CATSPER3: variants seen among roughly 807,000 people sequenced by gnomAD.
CATSPER3 encodes the protein cation channel sperm associated 3, also known as cation channel sperm-associated protein 3.
In CATSPER3, 23 loss-of-function variants were observed where a neutral mutation model predicts 36.6. The ratio of observed to expected loss-of-function variants is 0.63; its 90% CI spans 0.45 to 0.89. The LOEUF (loss-of-function observed/expected upper bound fraction) is 0.89. Among genes scored for constraint, CATSPER3 ranks in the 40% least tolerant of loss-of-function variants. The probability of loss-of-function intolerance (pLI) is 0.00; values close to 1 mark genes in which losing one functional copy is unlikely to be tolerated. For synonymous variants in CATSPER3, 172 were observed against 184.1 expected (o/e 0.93, Z 0.53); for missense variants, 474 against 503.9 (o/e 0.94, Z 0.57).
At chr5:134,982,518 T>C (rs1165139690) in intron 2 of CATSPER3, among the ~76,000 whole-genome samples, 1 of 152,066 alleles carries the variant, frequency 6.6e-6, no homozygotes, top group East Asian at 1.9e-4. Context: ...TCAGAAACTA[T>C]GGAGGCCAAA....
chr5:134,968,187 C>A, intron 1 of CATSPER3, 98 bp downstream of exon 1: 1 of 840,672 alleles, frequency 1.2e-6, no homozygotes, highest in South Asian at 1.4e-5. Flanking sequence ...CTCAGATACT[C>A]GTCTGCTTAC....
intron 3 of CATSPER3, among the ~76,000 whole-genome samples, chr5:134,997,320 G>T (rs1018224590): frequency 3.3e-4 from 51 of 152,342 alleles, no homozygotes; most frequent in East Asian, 1.9e-4. Flanking sequence ...AACGTTAGAG[G>T]TCTCCCCTGC....
At chr5:134,969,120 T>G (rs1751570440) in intron 1 of CATSPER3, 1 of 152,230 alleles carries the variant, frequency 6.6e-6, no homozygotes, top group African/African-American at 2.4e-5. Flanking sequence ...TACACAGTCC[T>G]TTTTGTTAGA....
At chr5:135,010,560 C>T (rs1391188226) in intron 7 of CATSPER3, 30 bp downstream of exon 7, 3 of 1,605,204 alleles carry the variant, frequency 1.9e-6, no homozygotes, top group African/African-American at 1.3e-5. Context: ...TTCCCTGGTC[C>T]CTAGGGCTTC....
intron 3 of CATSPER3, among the ~76,000 whole-genome samples, chr5:135,004,521 T>G (rs1462118579): frequency 6.6e-6 from 1 of 152,040 alleles, no homozygotes; most frequent in African/African-American, 2.4e-5. Flanking sequence ...GCCCGAGGTG[T>G]TCATGGTCAG....
At chr5:134,980,975 C>T (rs776025486) in intron 2 of CATSPER3, among the ~76,000 whole-genome samples, 36 of 152,218 alleles carry the variant, frequency 2.4e-4, no homozygotes, top group Admixed American at 3.3e-4. Context: ...CTGCCTTGGC[C>T]TCCCAAAGCA....
chr5:134,986,146 CTT>C (rs35542434), intron 2 of CATSPER3, among the ~76,000 whole-genome samples: 76 of 146,170 alleles, frequency 5.2e-4, no homozygotes, highest in African/African-American at 1.6e-3. Flanking sequence ...ACAGCATACT[CTT>C]TTTTTTTTTT....
chr5:134,969,874 A>T (rs1011056961), intron 1 of CATSPER3, 65 bp from the exon 2 acceptor site: 3 of 1,522,460 alleles, frequency 2.0e-6, no homozygotes, highest in Non-Finnish European at 1.8e-6. Flanking sequence ...ACAAAAAGGT[A>T]TGCATTTTAT....
rs778702303 is a variant in CATSPER3 at position 135,008,074 on chromosome 5, A to G, written c.610A>G (p.Asn204Asp). Residue 204 changes from asparagine (N) to aspartate (D), a missense_variant, in exon 4 of 8, where the codon AAT becomes GAT. Asn to Asp is a conservative substitution (Grantham distance 23). Coordinates refer to ENST00000282611, the MANE Select transcript of CATSPER3 (RefSeq NM_178019.3). ...CTTCTGCCTGTTTGGATCTCCAGAC[A>G]ATGGTGACCATGATAACTGGGGGAA... ...LGFCLFGSPD[N>D]GDHDNWGNLA... 4 of 1,614,142 alleles carry G rather than the reference A, an allele frequency of 2.5e-6. No homozygotes were observed. Among genetic ancestry groups the G allele is most frequent in the East Asian group, 2.2e-5 (1 of 44,874 alleles).
rs756411857 is a variant in CATSPER3, at chr5:135,011,646, C to T, written c.*23C>T. On this transcript the variant is annotated 3_prime_UTR_variant, in exon 8 of 8. Transcript: ENST00000282611. ...TAGCTGGGCATGGGGCACCCATGTG[C>T]CGAGAGCCTTGCAGACCATGACAGG... 3.9e-6 allele frequency: 6 copies of T among 1,540,356 alleles called. No homozygotes were observed. Among genetic ancestry groups the T allele is most frequent in the Non-Finnish European group, 5.4e-6 (6 of 1,114,916 alleles).
At chr5:135,004,878 C>T (rs779751641) in intron 3 of CATSPER3, among the ~76,000 whole-genome samples, 1 of 152,166 alleles carries the variant, frequency 6.6e-6, no homozygotes, top group African/African-American at 2.4e-5. Context: ...TGAGGGCTGT[C>T]GGGGATAGGC....
chr5:135,007,899 C>T (rs1393722115), intron 3 of CATSPER3, 58 bp from the exon 4 acceptor site: 27 of 1,408,066 alleles, frequency 1.9e-5, no homozygotes, highest in Non-Finnish European at 2.5e-5. Flanking sequence ...GACCTCTGTC[C>T]CTGGAGCCCA....
At chr5:135,008,657 G>A (rs1307307301) in intron 4 of CATSPER3, among the ~76,000 whole-genome samples, 184 bp from the exon 5 acceptor site, 1 of 152,212 alleles carries the variant, frequency 6.6e-6, no homozygotes, top group Non-Finnish European at 1.5e-5. Flanking sequence ...CCACCCAGGG[G>A]TGCTCTGCAT....
chr5:134,992,843 T>A (rs1751895110), intron 2 of CATSPER3, among the ~76,000 whole-genome samples: 1 of 152,238 alleles, frequency 6.6e-6, no homozygotes, highest in East Asian at 1.9e-4. Context: ...GAAAACAGTT[T>A]GGCAGTTCCT....
intron 2 of CATSPER3, among the ~76,000 whole-genome samples, chr5:134,974,050 GC>G (rs542363860): frequency 1.1e-4 from 16 of 152,166 alleles, no homozygotes; most frequent in Non-Finnish European, 1.8e-4. Context: ...GTTTTTCAAT[GC>G]CCAAAGAAGT....
intron 2 of CATSPER3, among the ~76,000 whole-genome samples, chr5:134,971,519 G>A (rs986235441): frequency 2.6e-5 from 4 of 152,132 alleles, no homozygotes; most frequent in African/African-American, 4.8e-5. Flanking sequence ...ACTACAAGCC[G>A]TAAGAACTGA....
chr5:134,991,898 A>C (rs115088310), intron 2 of CATSPER3, among the ~76,000 whole-genome samples: 1,700 of 152,314 alleles, frequency 0.011, 26 homozygotes, highest in African/African-American at 0.037. Context: ...TGAGAGGCCG[A>C]GGTGGGAGGA....
chr5:135,007,833 A>C, intron 3 of CATSPER3, 124 bp from the exon 4 acceptor site: 1 of 389,740 alleles, frequency 2.6e-6, no homozygotes, highest in African/African-American at 2.8e-5. Context: ...TTGAGCATCT[A>C]CCTTGTGCCA....
chr5:134,975,427 G>C (rs565983445), intron 2 of CATSPER3: 1 of 153,066 alleles, frequency 6.5e-6, no homozygotes, highest in African/African-American at 2.4e-5. Context: ...GTGAGACCCT[G>C]TCTCTGTGGG....
Sources: gnomAD v4.1 joint callset for allele counts (sites outside exome capture counted in the v4.1 genomes callset) on GRCh38, gnomAD v4.1.1 for gene constraint, MANE v1.5 for transcripts, NCBI Gene and HGNC (gene_info 2026-07-23, HGNC 2026-07-21) for gene names.